Variants in PSG2 observed in about 807,000 individuals in gnomAD.
PSG2 encodes pregnancy-specific beta-1-glycoprotein 2.
PSG2 carries 49 observed loss-of-function variants against 36.2 expected under a neutral mutation model. That is an observed-to-expected ratio of 1.35 (90% CI 1.08 to 1.72). The LOEUF is 1.72. Ranked by LOEUF, PSG2 falls within the 40% of genes most tolerant of loss-of-function variation. PSG2 has a pLI of 0.00. For synonymous variants in PSG2, 261 were observed against 155.6 expected (o/e 1.68, Z -5.04); for missense variants, 605 against 407.2 (o/e 1.49, Z -4.18).
In PSG2 at chr19:43,081,061, C is replaced by A. The variant is rs767063937; in HGVS notation, c.250G>T (p.Val84Leu). 77 of 1,612,750 alleles carry A rather than the reference C, an allele frequency of 4.8e-5. 1 individual carries two copies. The highest frequency in any genetic ancestry group is 1.0e-5 in the Non-Finnish European group (12 of 1,179,662). The change falls in exon 2 of 6, where the codon GTA (valine) becomes TTA (leucine). Residue 84 changes from valine (V) to leucine (L), a missense_variant. Val to Leu is a conservative substitution (Grantham distance 32). Coordinates refer to ENST00000406487, the MANE Select transcript of PSG2 (RefSeq NM_031246.4). ...DLYHYITSYV[V>L]DGQIIIYGPA... ...CCATATATAATTATTTGACCGTCTACTACATATGATGTAATGTAATGGTAG... is the reference window on the plus strand; with the variant it reads ...CCATATATAATTATTTGACCGTCTAATACATATGATGTAATGTAATGGTAG...
chr19:43,073,113 G>T (rs570565434), intron 3 of PSG2, among the ~76,000 whole-genome samples: 3 of 151,792 alleles, frequency 2.0e-5, no homozygotes, highest in Admixed American at 6.6e-5. Flanking sequence ...TGAAGATACT[G>T]AGCAGCCTGG....
At chr19:43,080,732 G>C (rs1568516774) in intron 2 of PSG2, 149 bp downstream of exon 2, 3 of 1,499,754 alleles carry the variant, frequency 2.0e-6, no homozygotes, top group Non-Finnish European at 2.8e-6. Flanking sequence ...TGTCTCCTCT[G>C]TGTGTGTCCT....
chr19:43,064,955 C>T (rs1290878619), intron 5 of PSG2, among the ~76,000 whole-genome samples: 1 of 151,778 alleles, frequency 6.6e-6, no homozygotes, highest in African/African-American at 2.4e-5. Context: ...CCTCAGCCTC[C>T]TGAGTAGCTG....
chr19:43,080,352 G>A (rs1465847024), intron 2 of PSG2, among the ~76,000 whole-genome samples: 1 of 151,778 alleles, frequency 6.6e-6, no homozygotes, highest in Non-Finnish European at 1.5e-5. Flanking sequence ...CCTAGCTGGT[G>A]AACAGCTCCA....
Position 43,082,356 on chromosome 19 carries a change from G to C in PSG2, c.64+150C>G. On this transcript the variant is annotated intron_variant, in intron 1 of 5. Transcript: ENST00000406487. ...AGGGCTACACTGTGTTGGCCAGACT[G>C]ACCTTGAACTCCTGATCTCGTGATC... 5.5e-6 allele frequency: 7 copies of C among 1,262,222 alleles called. 1 individual carries two copies. The South Asian group carries it at 8.8e-5, about 16-fold the overall frequency. The allele number at this position is 1,262,222 out of a possible 1,614,324, so 78.2% of individuals were successfully genotyped here. A position where few individuals can be genotyped will look rare whatever the true frequency, so the allele number is the denominator to read the frequency against.
intron 2 of PSG2, among the ~76,000 whole-genome samples, chr19:43,080,572 C>A (rs1393264045): frequency 6.6e-6 from 1 of 151,708 alleles, no homozygotes; most frequent in Non-Finnish European, 1.5e-5. Flanking sequence ...TCTCCAGGGT[C>A]TTTCTCAGGG....
At chr19:43,072,707 C>A in intron 3 of PSG2, 1 of 1,576,942 alleles carries the variant, frequency 6.3e-7, no homozygotes, top group Non-Finnish European at 8.6e-7. Context: ...TCAGAGTTAC[C>A]ATCTCCCACC....
At position 43,082,646 on chromosome 19, in the gene PSG2, T is replaced by A. The variant is rs1420933453; in HGVS notation, c.-77A>T. 90 of 1,571,280 alleles carry A rather than the reference T, an allele frequency of 5.7e-5. 1 individual carries two copies. The highest frequency in any genetic ancestry group is 7.7e-5 in the Non-Finnish European group (88 of 1,149,114). On this transcript the variant is annotated 5_prime_UTR_variant, in exon 1 of 6. Transcript: ENST00000406487. ...AAACTTCCTGAGCACGGCTGTCAGCTGTGCTGTCCTTCCTCCTTCTGCACT... is the reference window on the plus strand; with the variant it reads ...AAACTTCCTGAGCACGGCTGTCAGCAGTGCTGTCCTTCCTCCTTCTGCACT...
At chr19:43,076,385 CT>C (rs1967896255) in intron 2 of PSG2, among the ~76,000 whole-genome samples, 1 of 151,738 alleles carries the variant, frequency 6.6e-6, no homozygotes, top group African/African-American at 2.4e-5. Context: ...TCCCTTCCCC[CT>C]GTAGAGGGCA....
At chr19:43,072,376 A>G in intron 3 of PSG2, 1 of 1,612,698 alleles carries the variant, frequency 6.2e-7, no homozygotes. Context: ...TGACTGGGTC[A>G]CTGTGGATGC....
At chr19:43,076,121 T>A (rs1967892506) in intron 2 of PSG2, among the ~76,000 whole-genome samples, 1 of 151,718 alleles carries the variant, frequency 6.6e-6, no homozygotes, top group Non-Finnish European at 1.5e-5. Context: ...CTGGAAAGCC[T>A]GGCCTGGGAC....
At chr19:43,066,894 C>A (rs1191283734) in intron 4 of PSG2, among the ~76,000 whole-genome samples, 2 of 150,836 alleles carry the variant, frequency 1.3e-5, no homozygotes, top group Admixed American at 1.3e-4. Context: ...TAGAACTTGC[C>A]ACATTTTCAC....
chr19:43,069,578 C>T (rs752599989), intron 4 of PSG2, among the ~76,000 whole-genome samples: 3 of 151,626 alleles, frequency 2.0e-5, no homozygotes, highest in African/African-American at 7.3e-5. Flanking sequence ...TGATTTTCAT[C>T]GAGTGTGCCA....
chr19:43,077,297 A>C (rs887407349), intron 2 of PSG2, among the ~76,000 whole-genome samples: 15 of 151,754 alleles, frequency 9.9e-5, no homozygotes, highest in South Asian at 2.1e-4. Context: ...TTAAAAGGAC[A>C]GAACTGGTCA....
chr19:43,081,000 T>C lies in PSG2; in HGVS notation c.311A>G (p.Asn104Ser). 2 of 1,613,072 alleles carry C rather than the reference T, an allele frequency of 1.2e-6. No individual in the cohort carries two copies. The highest frequency in any genetic ancestry group is 2.2e-5 in the South Asian group (2 of 91,036). The change falls in exon 2 of 6, where the codon AAT (asparagine) becomes AGT (serine). Residue 104 changes from asparagine (N) to serine (S), a missense_variant. Physicochemically the swap from Asn to Ser is conservative, Grantham distance 46. Coordinates refer to ENST00000406487, the MANE Select transcript of PSG2 (RefSeq NM_031246.4). Reference sequence around the variant, plus strand: ...GACATTCTGGATCAGCAGGGATGCATTGGAATATGCTGTTTCTCGTCCACT... The same window carrying C: ...GACATTCTGGATCAGCAGGGATGCACTGGAATATGCTGTTTCTCGTCCACT... Reference protein sequence around the residue: ...AYSGRETAYSNASLLIQNVTR... With the variant: ...AYSGRETAYSSASLLIQNVTR...
rs1237032719 is a variant in PSG2 at position 43,071,680 on chromosome 19, G to C, written c.964+20C>G. ...ACTCCACCTAAAACCCTACTGCCAA[G>C]GATGCTGGGATCCACTTACCAGAGA... is the stretch of plus-strand genomic sequence containing the variant. On this transcript the variant is annotated intron_variant, in intron 4 of 5. Transcript: ENST00000406487. 2 of 1,612,868 alleles carry C rather than the reference G, an allele frequency of 1.2e-6. No homozygotes were observed. Among genetic ancestry groups the C allele is most frequent in the Admixed American group, 3.3e-5 (2 of 59,962 alleles).
chr19:43,065,518 G>A (rs760695176), intron 5 of PSG2: 1 of 151,518 alleles, frequency 6.6e-6, no homozygotes, highest in Non-Finnish European at 1.5e-5. Context: ...GGAACTAATG[G>A]GTGGGGCTTG....
At chr19:43,066,195 C>T (rs186779703) in intron 5 of PSG2, among the ~76,000 whole-genome samples, 2 of 151,578 alleles carry the variant, frequency 1.3e-5, no homozygotes, top group African/African-American at 2.4e-5. Context: ...AGTGGTTGAG[C>T]TTTATGGGAA....
intron 3 of PSG2, 101 bp from the exon 4 acceptor site, chr19:43,072,055 C>G (rs1163335393): frequency 6.7e-7 from 1 of 1,487,200 alleles, no homozygotes; most frequent in Non-Finnish European, 9.1e-7. Flanking sequence ...CAAGACACAT[C>G]CTCAAGTCCC....
Sources: allele counts gnomAD v4.1 joint callset (sites outside exome capture counted in the v4.1 genomes callset), GRCh38; gene constraint gnomAD v4.1.1; transcripts MANE v1.5; gene names NCBI Gene and HGNC (gene_info 2026-07-23, HGNC 2026-07-21).